The following LOXHD1 variants were observed in gnomAD, a reference collection of about 807,000 sequenced individuals.
LOXHD1 encodes the protein lipoxygenase homology domain-containing protein 1.
A neutral mutation model predicts 248.2 loss-of-function variants in LOXHD1; 205 were observed. The ratio of observed to expected loss-of-function variants is 0.83; its 90% CI spans 0.74 to 0.93. The LOEUF is 0.93. Ranked by LOEUF, LOXHD1 falls within the 40% of genes least tolerant of loss-of-function variation. LOXHD1 has a pLI of 0.00. For missense variants in LOXHD1, 2,930 were observed against 2,971.6 expected, an observed-to-expected ratio of 0.99 and a Z score of 0.33; for synonymous variants, 1,113 against 1,162.8, an observed-to-expected ratio of 0.96 and a Z score of 0.87.
intron 5 of LOXHD1, among the ~76,000 whole-genome samples, chr18:46,617,539 C>CT (rs35606636): frequency 0.18 from 26,746 of 145,382 alleles, 2,729 homozygotes; most frequent in East Asian, 0.43. Context: ...GGAGATTTCT[C>CT]TTTTTTTTTT....
rs529834634 is a variant in LOXHD1, at chr18:46,564,268, T to C, written c.2438-1043A>G. On this transcript the variant is annotated intron_variant, in intron 17 of 40. Coordinates refer to ENST00000642948, the MANE Select transcript of LOXHD1 (RefSeq NM_001384474.1). ...AGGCACGGTGGTTCAGGCCTGTAAT[T>C]CCACTGCTTTGTAAATCCACTGAGG... 1.5e-3 allele frequency among the ~76,000 whole-genome samples: 229 copies of C among 152,280 alleles called. 1 individual carries two copies. Among genetic ancestry groups the C allele is most frequent in the African/African-American group, 5.1e-3 (213 of 41,556 alleles).
chr18:46,496,290 G>A (rs1169014342), intron 37 of LOXHD1, among the ~76,000 whole-genome samples: 7 of 151,980 alleles, frequency 4.6e-5, no homozygotes, highest in Admixed American at 6.6e-5. Flanking sequence ...TCACTTTTGC[G>A]CATGTTTAAA....
chr18:46,654,466 G>A (rs1000043133), intron 1 of LOXHD1, among the ~76,000 whole-genome samples: 1 of 152,220 alleles, frequency 6.6e-6, no homozygotes, highest in African/African-American at 2.4e-5. Flanking sequence ...GTTCTGGAAT[G>A]AGTTATTCTT....
chr18:46,589,216 A>C (rs1285810079), intron 12 of LOXHD1, among the ~76,000 whole-genome samples: 2 of 152,214 alleles, frequency 1.3e-5, no homozygotes, highest in African/African-American at 4.8e-5. Flanking sequence ...CCCCAGGAGC[A>C]GTGTTTCTTG....
chr18:46,625,606 T>C (rs1246006700), intron 4 of LOXHD1, among the ~76,000 whole-genome samples: 2 of 152,210 alleles, frequency 1.3e-5, no homozygotes, highest in African/African-American at 4.8e-5. Flanking sequence ...GGGTGGTGGG[T>C]TGAACAAGCT....
intron 2 of LOXHD1, among the ~76,000 whole-genome samples, chr18:46,645,408 A>C (rs1225580306): frequency 6.6e-6 from 1 of 152,228 alleles, no homozygotes; most frequent in Non-Finnish European, 1.5e-5. Flanking sequence ...ATCAGCCAGC[A>C]GAGCCATCGG....
At chr18:46,589,813 G>A (rs932577254) in intron 12 of LOXHD1, among the ~76,000 whole-genome samples, 1 of 152,116 alleles carries the variant, frequency 6.6e-6, no homozygotes, top group African/African-American at 2.4e-5. Context: ...GTAAAAGGAG[G>A]TCATATGGTT....
intron 38 of LOXHD1, among the ~76,000 whole-genome samples, chr18:46,486,497 A>T (rs972175629): frequency 6.6e-6 from 1 of 152,164 alleles, no homozygotes; most frequent in Non-Finnish European, 1.5e-5. Flanking sequence ...CAGAAAGTGC[A>T]TCCTTCTGCA....
chr18:46,610,788 C>T lies in LOXHD1; in HGVS notation c.747G>A (p.Trp249Ter). The T allele has an allele frequency of 6.4e-7, 1 of 1,551,260 alleles. No homozygotes were observed. Among genetic ancestry groups the T allele is most frequent in the East Asian group, 2.4e-5 (1 of 40,918 alleles). ...CAGCTGAACTCACCTGGGACAGGAA[C>T]CAACCTGCAGAGCCCCCCTTATTGT... is the stretch of plus-strand genomic sequence containing the variant. ...GHNNKGGSAGWFLSQIVIEDI... is the reference protein window; with the variant it reads ...GHNNKGGSAG The change falls in exon 6 of 41, where the codon TGG becomes TGA. Residue 249 changes from tryptophan to a stop codon, truncating the protein, a stop_gained. Coordinates refer to ENST00000642948, the MANE Select transcript of LOXHD1 (RefSeq NM_001384474.1). LOFTEE classifies it high-confidence loss of function.
chr18:46,601,760 G>A (rs1290325531), intron 7 of LOXHD1: 9 of 413,134 alleles, frequency 2.2e-5, no homozygotes, highest in Non-Finnish European at 3.6e-5. Context: ...GGAGGAACTC[G>A]GGTTGGCTAA....
chr18:46,523,504 A>G (rs1452830600), intron 31 of LOXHD1, among the ~76,000 whole-genome samples: 1 of 152,130 alleles, frequency 6.6e-6, no homozygotes, highest in African/African-American at 2.4e-5. Context: ...TGAAAAGAAA[A>G]ATTCCTAATT....
At chr18:46,584,988 A>G (rs561844498) in intron 12 of LOXHD1, among the ~76,000 whole-genome samples, 2 of 152,324 alleles carry the variant, frequency 1.3e-5, no homozygotes, top group African/African-American at 4.8e-5. Flanking sequence ...ATAAATGTAG[A>G]AAAAGCATTT....
intron 33 of LOXHD1, among the ~76,000 whole-genome samples, chr18:46,520,092 A>G (rs1331015224): frequency 1.3e-5 from 2 of 152,142 alleles, no homozygotes; most frequent in African/African-American, 2.4e-5. Context: ...CACCCACACC[A>G]TCCGTCTGGC....
intron 12 of LOXHD1, among the ~76,000 whole-genome samples, 184 bp from the exon 13 acceptor site, chr18:46,579,968 A>G (rs1349668304): frequency 6.6e-6 from 1 of 152,218 alleles, no homozygotes; most frequent in Non-Finnish European, 1.5e-5. Context: ...GTCATCCCCA[A>G]GTCTCTTGGC....
At chr18:46,515,124 C>T (rs1239390406) in intron 34 of LOXHD1, among the ~76,000 whole-genome samples, 1 of 152,186 alleles carries the variant, frequency 6.6e-6, no homozygotes. Context: ...GCTTCAGCCC[C>T]TGGGTATAGC....
At chr18:46,505,384 G>T (rs888640694) in intron 37 of LOXHD1, among the ~76,000 whole-genome samples, 1 of 152,020 alleles carries the variant, frequency 6.6e-6, no homozygotes, top group Non-Finnish European at 1.5e-5. Context: ...ATCTCACAAT[G>T]TTGTTTAGGC....
chr18:46,547,031 C>T lies in LOXHD1; in HGVS notation c.3378G>A (p.Leu1126=), dbSNP rs2036877609. 6.4e-7 allele frequency: 1 copy of T among 1,551,770 alleles called. No homozygotes were observed. Among genetic ancestry groups the T allele is most frequent in the East Asian group, 2.4e-5 (1 of 40,932 alleles). The part of the protein sequence containing the change: ...ITYYFPCQRW[L]AVEEDDGQLS... ...GCTGGCCATCATCTTCCTCCACTGCCAGCCAACGTTGGCATGGAAAGTAGT... is the reference window on the plus strand; with the variant it reads ...GCTGGCCATCATCTTCCTCCACTGCTAGCCAACGTTGGCATGGAAAGTAGT... The change falls in exon 22 of 41, where the codon CTG becomes CTA. Residue 1126 remains leucine (L), a synonymous_variant. Transcript: ENST00000642948.
intron 6 of LOXHD1, among the ~76,000 whole-genome samples, chr18:46,605,822 T>C (rs559084977): frequency 3.9e-4 from 60 of 152,190 alleles, no homozygotes; most frequent in Non-Finnish European, 8.4e-4. Context: ...AAGCATATCC[T>C]ATGTTTCAGG....
In LOXHD1 at chr18:46,592,604, C is replaced by T. The variant is rs971201847; in HGVS notation, c.1432-20G>A. The stretch of plus-strand genomic sequence containing the variant: ...CTCAATCTATGGTGAGAAATAAAAA[C>T]ATTTGAGTGGGCATAACTGAAGAAA... On this transcript the variant is annotated intron_variant, in intron 10 of 40. Coordinates refer to ENST00000642948, the MANE Select transcript of LOXHD1 (RefSeq NM_001384474.1). The T allele has an allele frequency of 2.6e-6, 4 of 1,536,644 alleles. No individual in the cohort carries two copies. The highest frequency in any genetic ancestry group is 3.5e-6 in the Non-Finnish European group (4 of 1,133,346).
Sources: allele counts gnomAD v4.1 joint callset (sites outside exome capture counted in the v4.1 genomes callset), GRCh38; gene constraint gnomAD v4.1.1; transcripts MANE v1.5; gene names NCBI Gene and HGNC (gene_info 2026-07-23, HGNC 2026-07-21).